POLR1B: variants seen among roughly 807,000 people sequenced by gnomAD.
POLR1B encodes the protein RNA polymerase I subunit B.
In POLR1B, 30 loss-of-function variants were observed where a neutral mutation model predicts 105.8. The ratio of observed to expected loss-of-function variants is 0.28; its 90% CI spans 0.21 to 0.38. POLR1B has a LOEUF of 0.38. Among genes scored for constraint, POLR1B ranks in the 10% least tolerant of loss-of-function variants. The pLI, the probability that POLR1B is intolerant of heterozygous loss-of-function variation, is 1.00. For synonymous variants in POLR1B, 485 were observed against 505.1 expected (o/e 0.96, Z 0.53); for missense variants, 976 against 1,435.8 (o/e 0.68, Z 5.17).
At chr2:112,565,564 C>CTT (rs546293160) in intron 10 of POLR1B, among the ~76,000 whole-genome samples, 1 of 144,720 alleles carries the variant, frequency 6.9e-6, no homozygotes, top group Non-Finnish European at 1.5e-5. Flanking sequence ...CTTTTCTTTT[C>CTT]TTTTTTTTTT....
At position 112,554,674 on chromosome 2, in the gene POLR1B, C is replaced by G. The variant is rs72946375; in HGVS notation, c.1158+1858C>G. Reference sequence around the variant, plus strand: ...TCTACTTAAAGTGAAGCATGGTGGGCTCATTGTATTCCACACTTATAAATG... The same window carrying G: ...TCTACTTAAAGTGAAGCATGGTGGGGTCATTGTATTCCACACTTATAAATG... On this transcript the variant is annotated intron_variant, in intron 7 of 14. Coordinates refer to ENST00000263331, the MANE Select transcript of POLR1B (RefSeq NM_019014.6). 481 of 152,172 alleles carry G rather than the reference C, an allele frequency of 3.2e-3. 2 individuals are homozygous for G. Among genetic ancestry groups the G allele is most frequent in the African/African-American group, 0.011 (459 of 41,504 alleles). 9.4% of individuals were successfully genotyped at this position (152,172 alleles called of 1,614,324 possible).
At position 112,576,436 on chromosome 2, in the gene POLR1B, A is replaced by G. The variant is rs1001853543; in HGVS notation, c.*707A>G. On this transcript the variant is annotated 3_prime_UTR_variant, in exon 15 of 15. Transcript: ENST00000263331. The stretch of plus-strand genomic sequence containing the variant: ...TGCACGATATAGTATTGTTAATTCC[A>G]GGCACCATGTTGTACAACAGATCTT... The G allele has an allele frequency of 1.3e-5, 2 of 152,186 alleles. No homozygotes were observed. The highest frequency in any genetic ancestry group is 1.3e-4 in the Admixed American group (2 of 15,272). 9.4% of individuals were successfully genotyped at this position (152,186 alleles called of 1,614,324 possible).
At chr2:112,562,728 C>CTTTTTTTTTTT (rs70965010) in intron 9 of POLR1B, among the ~76,000 whole-genome samples, 3 of 120,642 alleles carry the variant, frequency 2.5e-5, no homozygotes, top group African/African-American at 9.9e-5. Context: ...TCTTTTTTTT[C>CTTTTTTTTTTT]TTTTTTTTTT....
intron 10 of POLR1B, among the ~76,000 whole-genome samples, chr2:112,564,862 C>G (rs905559188): frequency 1.3e-5 from 2 of 152,094 alleles, no homozygotes; most frequent in Non-Finnish European, 2.9e-5. Context: ...AAGTTATACC[C>G]CATTGCCTCC....
intron 8 of POLR1B, among the ~76,000 whole-genome samples, chr2:112,558,918 T>C (rs1257981520): frequency 5.2e-4 from 16 of 30,850 alleles, no homozygotes; most frequent in South Asian, 1.3e-3. Context: ...GTGCCCCGCC[T>C]TTTTTTTTTT....
At chr2:112,573,877 C>CAAA in intron 14 of POLR1B, 62 bp downstream of exon 14, 1 of 1,564,886 alleles carries the variant, frequency 6.4e-7, no homozygotes, top group Non-Finnish European at 8.7e-7. Context: ...GACAGGGTCT[C>CAAA]AGTGTGTCAG....
chr2:112,558,210 C>T (rs1328356125), intron 8 of POLR1B, 129 bp downstream of exon 8: 8 of 627,978 alleles, frequency 1.3e-5, no homozygotes, highest in African/African-American at 9.6e-5. Context: ...ACTATGACTT[C>T]GACAACTATT....
intron 4 of POLR1B, 111 bp downstream of exon 4, chr2:112,549,510 T>TC: frequency 1.1e-6 from 1 of 877,842 alleles, no homozygotes; most frequent in East Asian, 3.1e-5. Flanking sequence ...TTTTTTTTTT[T>TC]TTTTTTGGTA....
chr2:112,550,824 A>G (rs748080832), intron 4 of POLR1B, 42 bp from the exon 5 acceptor site: 3 of 1,600,344 alleles, frequency 1.9e-6, no homozygotes, highest in Admixed American at 3.4e-5. Flanking sequence ...AGCAATTAAG[A>G]TATCAATGAG....
rs954929987 is a variant in POLR1B at position 112,576,585 on chromosome 2, A to G, written c.*856A>G. 5.3e-5 allele frequency: 8 copies of G among 152,212 alleles called. No homozygotes were observed. The highest frequency in any genetic ancestry group is 1.9e-4 in the African/African-American group (8 of 41,446). 9.4% of individuals were successfully genotyped at this position (152,212 alleles called of 1,614,324 possible). A position where few individuals can be genotyped will look rare whatever the true frequency, so the allele number is the denominator to read the frequency against. On this transcript the variant is annotated 3_prime_UTR_variant, in exon 15 of 15. Coordinates refer to ENST00000263331, the MANE Select transcript of POLR1B (RefSeq NM_019014.6). ...AGTTTGACTATTACAGATATCTCATATAGTGGGATCATGCAATATTTGTCC... is the reference window on the plus strand; with the variant it reads ...AGTTTGACTATTACAGATATCTCATGTAGTGGGATCATGCAATATTTGTCC...
chr2:112,547,498 G>A lies in POLR1B; in HGVS notation c.423G>A (p.Val141=). Residue 141 remains valine, a synonymous_variant, in exon 3 of 15, where the codon GTG becomes GTA. Coordinates refer to ENST00000263331, the MANE Select transcript of POLR1B (RefSeq NM_019014.6). ...KQFLGYVPIM[V]KSKLCNLRNL... ...TTCTTGGCTATGTTCCCATCATGGT[G>A]AAATCCAAGCTTTGCAACTTACGTA... The A allele has an allele frequency of 6.2e-7, 1 of 1,614,168 alleles. No individual in the cohort carries two copies. The highest frequency in any genetic ancestry group is 8.5e-7 in the Non-Finnish European group (1 of 1,180,030).
At chr2:112,553,866 G>A (rs1040168845) in intron 7 of POLR1B, among the ~76,000 whole-genome samples, 1 of 152,170 alleles carries the variant, frequency 6.6e-6, no homozygotes, top group African/African-American at 2.4e-5. Flanking sequence ...GCTACTGTGA[G>A]TAGTGAAATT....
At chr2:112,548,773 T>C (rs112555754) in intron 3 of POLR1B, among the ~76,000 whole-genome samples, 7,435 of 152,152 alleles carry the variant, frequency 0.049, 585 homozygotes, top group African/African-American at 0.17. Context: ...CTACCACGCC[T>C]GGCTAATTTT....
At chr2:112,574,174 T>C (rs1413281217) in intron 14 of POLR1B, among the ~76,000 whole-genome samples, 2 of 152,176 alleles carry the variant, frequency 1.3e-5, no homozygotes, top group South Asian at 2.1e-4. Context: ...AACTGTATTA[T>C]CCAAACTTTG....
At position 112,568,818 on chromosome 2, in the gene POLR1B, C is replaced by T. The variant is rs577236573; in HGVS notation, c.1990C>T (p.His664Tyr). Residue 664 changes from histidine (H) to tyrosine (Y), a missense_variant, in exon 12 of 15, where the codon CAC (histidine) becomes TAC (tyrosine). Transcript: ENST00000263331. ...TACCACACACCAGGAACTCTTTCCA[C>T]ACAGCCTGCTGAGTGTGATTGCCAA... ...GVTTHQELFP[H>Y]SLLSVIANFI... 6.2e-7 allele frequency: 1 copy of T among 1,614,188 alleles called. No individual in the cohort carries two copies. Among genetic ancestry groups the T allele is most frequent in the East Asian group, 2.2e-5 (1 of 44,890 alleles).
At chr2:112,557,531 C>T (rs1300531401) in intron 7 of POLR1B, among the ~76,000 whole-genome samples, 1 of 152,198 alleles carries the variant, frequency 6.6e-6, no homozygotes, top group Non-Finnish European at 1.5e-5. Context: ...AAAGATCGTA[C>T]AGATTACATG....
chr2:112,554,321 C>T (rs1250739909), intron 7 of POLR1B, among the ~76,000 whole-genome samples: 3 of 144,036 alleles, frequency 2.1e-5, no homozygotes, highest in Non-Finnish European at 4.6e-5. Flanking sequence ...TTAGTAGAGA[C>T]GGGATTTCAC....
Position 112,578,443 on chromosome 2 carries a change from C to T in POLR1B, c.*2714C>T, listed in dbSNP as rs1171256375. Among the ~76,000 whole-genome samples the T allele has an allele frequency of 2.0e-5, 3 of 152,150 alleles. No homozygotes were observed. The highest frequency in any genetic ancestry group is 2.0e-4 in the Admixed American group (3 of 15,272). ...ACGAAGTATAACCTTTGAGAATGGC[C>T]TTTTCACTCCATTCCCTTGAGATAC... On this transcript the variant is annotated 3_prime_UTR_variant, in exon 15 of 15. Coordinates refer to ENST00000263331, the MANE Select transcript of POLR1B (RefSeq NM_019014.6).
At chr2:112,561,063 TA>T (rs10713970) in intron 9 of POLR1B, among the ~76,000 whole-genome samples, 62,098 of 144,670 alleles carry the variant, frequency 0.43, 13,279 homozygotes, top group Middle Eastern at 0.5. Context: ...AGACTCCATC[TA>T]AAAAAAAAAA....
Sources: allele counts gnomAD v4.1 joint callset (sites outside exome capture counted in the v4.1 genomes callset), GRCh38; gene constraint gnomAD v4.1.1; transcripts MANE v1.5; gene names NCBI Gene and HGNC (gene_info 2026-07-23, HGNC 2026-07-21).